LRG1: variants seen among roughly 807,000 people sequenced by gnomAD.
The protein encoded by LRG1 is leucine-rich alpha-2-glycoprotein.
LRG1 carries 1 observed loss-of-function variant against 2.4 expected under a neutral mutation model. That is an observed-to-expected ratio of 0.41 (90% CI 0.15 to 1.95). LRG1 has a LOEUF of 1.95. Among genes scored for constraint, LRG1 ranks in the 30% most tolerant of loss-of-function variants. The pLI is 0.30. For missense variants in LRG1, 425 were observed against 436.9 expected (o/e 0.97, Z 0.24); for synonymous variants, 226 against 210.6 (o/e 1.07, Z -0.63).
chr19:4,538,877 AC>A lies in LRG1; in HGVS notation c.106del (p.Val36SerfsTer3). 6.5e-7 allele frequency: 1 copy of A among 1,534,844 alleles called. No individual in the cohort carries two copies. Among genetic ancestry groups the A allele is most frequent in the East Asian group, 2.3e-5 (1 of 43,892 alleles). Reference sequence around the variant, plus strand: ...CTGGCAGTCTTTGGGGCTCAGGGTGACCCCCCAGGCTGAGGCTGCCAACAGC... The same window carrying A: ...CTGGCAGTCTTTGGGGCTCAGGGTGACCCCCAGGCTGAGGCTGCCAACAGC... ...LLLLAASAWG[V>X]TLSPKDCQVF... is the part of the protein sequence containing the mutation. On this transcript the variant is annotated frameshift_variant, in exon 2 of 2. Transcript: ENST00000306390. LOFTEE classifies it low-confidence loss of function (END_TRUNC).
chr19:4,538,604 G>C lies in LRG1; in HGVS notation c.380C>G (p.Ala127Gly). The change falls in exon 2 of 2, where the codon GCC becomes GGC. Residue 127 changes from alanine to glycine, a missense_variant. Coordinates refer to ENST00000306390, the MANE Select transcript of LRG1 (RefSeq NM_052972.3). ...GAGGCCCGGGGGCAGCCCGGTCAGG[G>C]CGTTTCGGGTTAGATCCAGCACCCT... ...QLRVLDLTRN[A>G]LTGLPPGLFQ... The C allele has an allele frequency of 6.2e-7, 1 of 1,613,048 alleles. No individual in the cohort carries two copies. Among genetic ancestry groups the C allele is most frequent in the Non-Finnish European group, 8.5e-7 (1 of 1,179,486 alleles).
intron 1 of LRG1, 54 bp downstream of exon 1, chr19:4,539,928 C>T: frequency 6.2e-7 from 1 of 1,608,194 alleles, no homozygotes; most frequent in Non-Finnish European, 8.5e-7. Context: ...TGTCCTGTAT[C>T]TCCGCATGGT....
intron 1 of LRG1, among the ~76,000 whole-genome samples, chr19:4,539,532 G>A (rs1976988783): frequency 6.6e-6 from 1 of 152,178 alleles, no homozygotes; most frequent in Non-Finnish European, 1.5e-5. Context: ...CAGGCTGGAG[G>A]GAACTGGCAT....
At chr19:4,539,932 G>A (rs370118406) in intron 1 of LRG1, 50 bp downstream of exon 1, 184 of 1,608,586 alleles carry the variant, frequency 1.1e-4, no homozygotes, top group Admixed American at 1.7e-4. Flanking sequence ...CTGTATCTCC[G>A]CATGGTCTGG....
rs1568248290 is a variant in LRG1 at position 4,537,727 on chromosome 19, C to G, written c.*213G>C. On this transcript the variant is annotated 3_prime_UTR_variant, in exon 2 of 2. Coordinates refer to ENST00000306390, the MANE Select transcript of LRG1 (RefSeq NM_052972.3). ...GGACTACAGGTGCCCACCACCACGC[C>G]TGGCTAATTTTTTATATTTTTAGTA... 2 of 552,002 alleles carry G rather than the reference C, an allele frequency of 3.6e-6. No individual in the cohort carries two copies. Among genetic ancestry groups the G allele is most frequent in the East Asian group, 6.5e-5 (2 of 30,536 alleles). 34.2% of individuals were successfully genotyped at this position (552,002 alleles called of 1,614,324 possible).
chr19:4,538,554 T>C lies in LRG1; in HGVS notation c.430A>G (p.Thr144Ala), dbSNP rs755287097. Residue 144 changes from threonine (T) to alanine (A), a missense_variant, in exon 2 of 2, where the codon ACC becomes GCC. Thr to Ala is a moderately conservative substitution (Grantham distance 58). Transcript: ENST00000306390. ...GLFQASATLD[T>A]LVLKENQLEV... ...AGCTGGTTTTCTTTCAATACCAGGGTGTCCAGGGTGGCTGAGGCCTGGAAG... is the reference window on the plus strand; with the variant it reads ...AGCTGGTTTTCTTTCAATACCAGGGCGTCCAGGGTGGCTGAGGCCTGGAAG... 90 of 1,613,374 alleles carry C rather than the reference T, an allele frequency of 5.6e-5. No individual in the cohort carries two copies. The highest frequency in any genetic ancestry group is 7.5e-5 in the Non-Finnish European group (88 of 1,179,978).
chr19:4,539,491 T>C (rs995597039), intron 1 of LRG1, among the ~76,000 whole-genome samples: 7 of 152,218 alleles, frequency 4.6e-5, no homozygotes, highest in Non-Finnish European at 8.8e-5. Context: ...TTCAGGTTCA[T>C]GTTTTTGAGA....
chr19:4,538,723 G>A lies in LRG1; in HGVS notation c.261C>T (p.Leu87=), dbSNP rs766054102. Residue 87 remains leucine, a synonymous_variant, in exon 2 of 2, where the codon CTC becomes CTT. Coordinates refer to ENST00000306390, the MANE Select transcript of LRG1 (RefSeq NM_052972.3). Reference sequence around the variant, plus strand: ...CTTGGAGCTTAGAGGCGCCCTGGAGGAGGTTGGCTGGCAGGTGGGTCAGGT... The same window carrying A: ...CTTGGAGCTTAGAGGCGCCCTGGAGAAGGTTGGCTGGCAGGTGGGTCAGGT... ...FFNLTHLPAN[L]LQGASKLQEL... 7.5e-6 allele frequency: 12 copies of A among 1,603,934 alleles called. No individual in the cohort carries two copies. In the South Asian group the frequency reaches 1.3e-4, roughly 18 times the overall value.
rs370434141 is a variant in LRG1 at position 4,538,381 on chromosome 19, C to T, written c.603G>A (p.Glu201=). ...CCCTCAGGAGGTCAGGTGGCAAGGT[C>T]TCCAACTGGTTCTCCCCAAGGTCAA... ...RTLDLGENQL[E]TLPPDLLRGP... The change falls in exon 2 of 2, where the codon GAG becomes GAA. Residue 201 remains glutamate (E), a synonymous_variant. Coordinates refer to ENST00000306390, the MANE Select transcript of LRG1 (RefSeq NM_052972.3). 4.7e-5 allele frequency: 76 copies of T among 1,614,094 alleles called. No individual in the cohort carries two copies. In the African/African-American group the frequency reaches 8.8e-4, roughly 19 times the overall value.
Position 4,538,641 on chromosome 19 carries a change from C to T in LRG1, c.343G>A (p.Val115Met), listed in dbSNP as rs1179747603. The change falls in exon 2 of 2, where the codon GTG (valine) becomes ATG (methionine). Residue 115 changes from valine to methionine, a missense_variant. Transcript: ENST00000306390. ...AGATCCAGCACCCTCAGCTGCGGCA[C>T]TGGCCGCAGGAATTCGGGCGAGAGG... ...ESLSPEFLRP[V>M]PQLRVLDLTR... 2 of 1,613,124 alleles carry T rather than the reference C, an allele frequency of 1.2e-6. No homozygotes were observed. Among genetic ancestry groups the T allele is most frequent in the Non-Finnish European group, 1.7e-6 (2 of 1,179,360 alleles).
rs1209421054 is a variant in LRG1 at position 4,538,205 on chromosome 19, C to T, written c.779G>A (p.Arg260Gln). The change falls in exon 2 of 2, where the codon CGG becomes CAG. Residue 260 changes from arginine to glutamine, a missense_variant. Arg to Gln is a conservative substitution (Grantham distance 43). Coordinates refer to ENST00000306390, the MANE Select transcript of LRG1 (RefSeq NM_052972.3). Reference protein sequence around the residue: ...RVAAGAFQGLRQLDMLDLSNN... With the variant: ...RVAAGAFQGLQQLDMLDLSNN... ...GGAGAGGTCCAGCATGTCCAGCTGC[C>T]GCAGGCCCTGGAAGGCACCGGCTGC... 1.1e-5 allele frequency: 17 copies of T among 1,614,062 alleles called. No homozygotes were observed. Among genetic ancestry groups the T allele is most frequent in the Non-Finnish European group, 1.4e-5 (16 of 1,180,024 alleles).
rs761442437 is a variant in LRG1 at position 4,538,700 on chromosome 19, T to C, written c.284A>G (p.Gln95Arg). 2 of 1,611,206 alleles carry C rather than the reference T, an allele frequency of 1.2e-6. No individual in the cohort carries two copies. The highest frequency in any genetic ancestry group is 4.5e-5 in the East Asian group (2 of 44,772). ...ANLLQGASKL[Q>R]ELHLSSNGLE... ...CCCATTGCTGGAGAGGTGCAATTCT[T>C]GGAGCTTAGAGGCGCCCTGGAGGAG... Residue 95 changes from glutamine (Q) to arginine (R), a missense_variant, in exon 2 of 2, where the codon CAA becomes CGA. Transcript: ENST00000306390.
chr19:4,539,970 G>A lies in LRG1; in HGVS notation c.32+12C>T, dbSNP rs1976993142. 1.9e-6 allele frequency: 3 copies of A among 1,614,024 alleles called. No individual in the cohort carries two copies. Among genetic ancestry groups the A allele is most frequent in the African/African-American group, 1.3e-5 (1 of 74,944 alleles). On this transcript the variant is annotated intron_variant, in intron 1 of 1. Coordinates refer to ENST00000306390, the MANE Select transcript of LRG1 (RefSeq NM_052972.3). ...TTCAAACCTGCCTAGGACAGGTAGT[G>A]TGGGGACCTACCTTTTTGGTCGCTG...
chr19:4,539,232 A>C, intron 1 of LRG1: 1 of 277,978 alleles, frequency 3.6e-6, no homozygotes, highest in Non-Finnish European at 6.7e-6. Flanking sequence ...ATATGAATAC[A>C]CTTCCCCATC....
chr19:4,538,860 CTT>C lies in LRG1; in HGVS notation c.122_123del (p.Lys41ArgfsTer52). 6.4e-7 allele frequency: 1 copy of C among 1,557,758 alleles called. No homozygotes were observed. Among genetic ancestry groups the C allele is most frequent in the Non-Finnish European group, 8.7e-7 (1 of 1,146,726 alleles). On this transcript the variant is annotated frameshift_variant, in exon 2 of 2. Transcript: ENST00000306390. LOFTEE classifies it low-confidence loss of function (END_TRUNC). ...TGGTCTGAGCGGAACACCTGGCAGT[CTT>C]TGGGGCTCAGGGTGACCCCCCAGGC... The part of the protein sequence containing the change: ...ASAWGVTLSP[K>X]DCQVFRSDHG...
rs780217404 is a variant in LRG1, at chr19:4,538,225, G to C, written c.759C>G (p.Ala253=). The C allele has an allele frequency of 1.1e-5, 17 of 1,614,016 alleles. No individual in the cohort carries two copies. The highest frequency in any genetic ancestry group is 1.4e-5 in the Non-Finnish European group (17 of 1,180,012). ...LNGNKLARVA[A]GAFQGLRQLD... is the part of the protein sequence containing the mutation. The stretch of plus-strand genomic sequence containing the variant: ...GCTGCCGCAGGCCCTGGAAGGCACC[G>C]GCTGCCACCCTGGCCAGCTTGTTGC... Residue 253 remains alanine (A), a synonymous_variant, in exon 2 of 2, where the codon GCC becomes GCG. Transcript: ENST00000306390.
chr19:4,538,754 A>T lies in LRG1; in HGVS notation c.230T>A (p.Phe77Tyr). 1 of 1,606,364 alleles carries T rather than the reference A, an allele frequency of 6.2e-7. No individual in the cohort carries two copies. Among genetic ancestry groups the T allele is most frequent in the Non-Finnish European group, 8.5e-7 (1 of 1,173,762 alleles). ...PADTVHLAVEFFNLTHLPANL... is the reference protein window; with the variant it reads ...PADTVHLAVEYFNLTHLPANL... ...GGCTGGCAGGTGGGTCAGGTTGAAG[A>T]ATTCCACGGCCAGGTGCACGGTGTC... is the stretch of plus-strand genomic sequence containing the variant. Residue 77 changes from phenylalanine to tyrosine, a missense_variant, in exon 2 of 2, where the codon TTC (phenylalanine) becomes TAC (tyrosine). Transcript: ENST00000306390.
In LRG1 at chr19:4,537,223, T is replaced by C. The variant is rs563476118; in HGVS notation, c.*717A>G. 6.6e-6 allele frequency: 1 copy of C among 152,380 alleles called. No individual in the cohort carries two copies. The highest frequency in any genetic ancestry group is 1.9e-4 in the East Asian group (1 of 5,180). 9.4% of individuals were successfully genotyped at this position (152,380 alleles called of 1,614,324 possible). A position where few individuals can be genotyped will look rare whatever the true frequency, so the allele number is the denominator to read the frequency against. On this transcript the variant is annotated 3_prime_UTR_variant, in exon 2 of 2. Coordinates refer to ENST00000306390, the MANE Select transcript of LRG1 (RefSeq NM_052972.3). Reference sequence around the variant, plus strand: ...AAAGCCAATTCATCCGATCCAGTTTTCAAGGGTTATTTATTAAACCCCTTG... The same window carrying C: ...AAAGCCAATTCATCCGATCCAGTTTCCAAGGGTTATTTATTAAACCCCTTG...
chr19:4,538,942 G>GC lies in LRG1; in HGVS notation c.41dup (p.Ile15HisfsTer7). 1 of 1,503,396 alleles carries GC rather than the reference G, an allele frequency of 6.7e-7. No homozygotes were observed. The highest frequency in any genetic ancestry group is 8.9e-7 in the Non-Finnish European group (1 of 1,124,642). The allele number at this position is 1,503,396 out of a possible 1,614,324, so 93.1% of individuals were successfully genotyped here. On this transcript the variant is annotated frameshift_variant, in exon 2 of 2. Transcript: ENST00000306390. LOFTEE classifies it low-confidence loss of function (END_TRUNC). ...GAGTTCTAGAAACATGGGGTTGAAT[G>GC]CCCCCTGGGCTGCAGGCAGTAACAG... is the stretch of plus-strand genomic sequence containing the variant.
Sources: allele counts gnomAD v4.1 joint callset (sites outside exome capture counted in the v4.1 genomes callset), GRCh38; gene constraint gnomAD v4.1.1; transcripts MANE v1.5; gene names NCBI Gene and HGNC (gene_info 2026-07-23, HGNC 2026-07-21).